The following SHROOM3 variants were observed in gnomAD, a reference collection of about 807,000 sequenced individuals.
SHROOM3 encodes shroom family member 3.
Under a neutral mutation model 138.6 loss-of-function variants are expected in SHROOM3, and 47 were observed. That is an observed-to-expected ratio of 0.34 (90% CI 0.27 to 0.43). SHROOM3 has a LOEUF of 0.43. Ranked by LOEUF, SHROOM3 falls within the 20% of genes least tolerant of loss-of-function variation. The pLI is 1.00. For synonymous variants in SHROOM3, 1,062 were observed against 1,063.3 expected (o/e 1.00, Z 0.02); for missense variants, 2,491 against 2,596.5 (o/e 0.96, Z 0.88).
At chr4:76,556,227 T>C (rs575719703) in intron 2 of SHROOM3, among the ~76,000 whole-genome samples, 1 of 152,326 alleles carries the variant, frequency 6.6e-6, no homozygotes, top group South Asian at 2.1e-4. Context: ...GTCTCAATAG[T>C]GGTGATTCCT....
intron 4 of SHROOM3, among the ~76,000 whole-genome samples, chr4:76,737,616 G>A (rs1721113220): frequency 6.6e-6 from 1 of 152,016 alleles, no homozygotes; most frequent in Non-Finnish European, 1.5e-5. Flanking sequence ...CTGGATTTTG[G>A]CCGTTCTAAT....
intron 4 of SHROOM3, among the ~76,000 whole-genome samples, chr4:76,732,729 A>T (rs1720922603): frequency 6.6e-6 from 1 of 152,204 alleles, no homozygotes. Context: ...GAAGAATAGC[A>T]TAGTGGTAAG....
At chr4:76,580,881 C>T (rs995538028) in intron 2 of SHROOM3, among the ~76,000 whole-genome samples, 2 of 152,218 alleles carry the variant, frequency 1.3e-5, no homozygotes, top group African/African-American at 4.8e-5. Flanking sequence ...CTACTAAGTA[C>T]ATATGTAAGT....
intron 2 of SHROOM3, among the ~76,000 whole-genome samples, chr4:76,680,147 T>A (rs1719148068): frequency 6.6e-6 from 1 of 151,678 alleles, no homozygotes; most frequent in Non-Finnish European, 1.5e-5. Flanking sequence ...TATACCTTTT[T>A]TTTTTTTTTT....
Position 76,685,755 on chromosome 4 carries a change from G to A in SHROOM3, c.324-24401G>A, listed in dbSNP as rs999572119. 2.0e-5 allele frequency among the ~76,000 whole-genome samples: 3 copies of A among 152,188 alleles called. No individual in the cohort carries two copies. In the East Asian group the frequency reaches 5.8e-4, roughly 29 times the overall value. ...GCATTTTGGGAGGCTGACACGGGCA[G>A]ATCACTTGAGGTCAGGAGTTCAAGA... On this transcript the variant is annotated intron_variant, in intron 2 of 10. Transcript: ENST00000296043.
At position 76,756,515 on chromosome 4, in the gene SHROOM3, AG is replaced by A; in HGVS notation, c.4778del (p.Gly1593ValfsTer26). 2 of 1,613,478 alleles carry A rather than the reference AG, an allele frequency of 1.2e-6. No homozygotes were observed. Among genetic ancestry groups the A allele is most frequent in the Non-Finnish European group, 1.7e-6 (2 of 1,179,964 alleles). On this transcript the variant is annotated frameshift_variant, in exon 8 of 11. Coordinates refer to ENST00000296043, the MANE Select transcript of SHROOM3 (RefSeq NM_020859.4). LOFTEE classifies it high-confidence loss of function. ...RHMPGAAHVV[G>X]SQTLASRLQT... is the part of the protein sequence containing the mutation. ...ACATGCCTGGTGCAGCCCATGTGGT[AG>A]GTAGTCAGACACTGGCTTCCAGACT...
chr4:76,488,909 C>T (rs1449357934), intron 1 of SHROOM3, among the ~76,000 whole-genome samples: 1 of 152,206 alleles, frequency 6.6e-6, no homozygotes, highest in Non-Finnish European at 1.5e-5. Flanking sequence ...TAGGTTAAGG[C>T]AATTGTTCAA....
At chr4:76,749,801 G>A (rs1400358439) in intron 6 of SHROOM3, among the ~76,000 whole-genome samples, 1 of 152,138 alleles carries the variant, frequency 6.6e-6, no homozygotes, top group Non-Finnish European at 1.5e-5. Flanking sequence ...ATTTTGAACT[G>A]TTCACATGGG....
intron 1 of SHROOM3, among the ~76,000 whole-genome samples, chr4:76,518,567 T>A: frequency 7.1e-6 from 1 of 141,208 alleles, no homozygotes; most frequent in African/African-American, 2.8e-5. Context: ...TCCTTCCTTC[T>A]TGCCTGCTTG....
At chr4:76,496,562 C>T (rs1731972269) in intron 1 of SHROOM3, among the ~76,000 whole-genome samples, 1 of 152,192 alleles carries the variant, frequency 6.6e-6, no homozygotes, top group South Asian at 2.1e-4. Flanking sequence ...TGGTAAATCT[C>T]CCAGTCAGGA....
intron 2 of SHROOM3, among the ~76,000 whole-genome samples, chr4:76,661,291 C>T (rs1299894027): frequency 1.3e-5 from 2 of 151,594 alleles, no homozygotes; most frequent in African/African-American, 4.9e-5. Flanking sequence ...AGTGCAATGG[C>T]GCGATCTCGG....
chr4:76,643,930 G>A (rs1430197399), intron 2 of SHROOM3, among the ~76,000 whole-genome samples: 4 of 150,280 alleles, frequency 2.7e-5, no homozygotes, highest in Admixed American at 6.6e-5. Flanking sequence ...CTGCAACCTC[G>A]ATTTCCTGGG....
chr4:76,593,970 A>G (rs1490931545), intron 2 of SHROOM3, among the ~76,000 whole-genome samples: 1 of 152,182 alleles, frequency 6.6e-6, no homozygotes. Context: ...GGCAGAGTGG[A>G]CTGGAGCTGT....
At chr4:76,589,357 A>C (rs13110204) in intron 2 of SHROOM3, among the ~76,000 whole-genome samples, 59,289 of 151,822 alleles carry the variant, frequency 0.39, 12,004 homozygotes, top group East Asian at 0.54. Context: ...ATCCCAGCTA[A>C]TCGGGAGGCT....
At chr4:76,604,117 G>GCC (rs1734568624) in intron 2 of SHROOM3, among the ~76,000 whole-genome samples, 1 of 152,070 alleles carries the variant, frequency 6.6e-6, no homozygotes, top group African/African-American at 2.4e-5. Context: ...GAGCCACTGT[G>GCC]CCCGACTGCA....
intron 2 of SHROOM3, among the ~76,000 whole-genome samples, chr4:76,639,129 A>G (rs1437799649): frequency 6.6e-6 from 1 of 152,152 alleles, no homozygotes; most frequent in Non-Finnish European, 1.5e-5. Flanking sequence ...ATCTTTGGCT[A>G]GTGTCCCTCA....
intron 2 of SHROOM3, among the ~76,000 whole-genome samples, chr4:76,643,065 G>A (rs952193005): frequency 6.6e-6 from 1 of 151,970 alleles, no homozygotes; most frequent in African/African-American, 2.4e-5. Flanking sequence ...AAAGTAGCCG[G>A]CCGTAGTGGT....
At chr4:76,452,025 G>A (rs1052630731) in intron 1 of SHROOM3, among the ~76,000 whole-genome samples, 1 of 151,678 alleles carries the variant, frequency 6.6e-6, no homozygotes, top group Non-Finnish European at 1.5e-5. Flanking sequence ...AATCAGTGAG[G>A]GCAAAAAGGG....
intron 2 of SHROOM3, among the ~76,000 whole-genome samples, chr4:76,598,484 A>T (rs55706050): frequency 0.27 from 40,984 of 152,182 alleles, 7,062 homozygotes; most frequent in Middle Eastern, 0.46. Context: ...CTAGCTAGAC[A>T]AAGTAGCTTA....
Sources: allele counts gnomAD v4.1 joint callset (sites outside exome capture counted in the v4.1 genomes callset), GRCh38; gene constraint gnomAD v4.1.1; transcripts MANE v1.5; gene names NCBI Gene and HGNC (gene_info 2026-07-23, HGNC 2026-07-21).